The following RAD51 variants were observed in gnomAD, a reference collection of about 807,000 sequenced individuals.
RAD51 encodes the protein DNA repair protein RAD51 homolog 1.
Under a neutral mutation model 41.5 loss-of-function variants are expected in RAD51, and 14 were observed. The ratio of observed to expected loss-of-function variants is 0.34; its 90% CI spans 0.22 to 0.53. RAD51 has a LOEUF of 0.53. Among genes scored for constraint, RAD51 ranks in the 20% least tolerant of loss-of-function variants. The pLI, the probability that RAD51 is intolerant of heterozygous loss-of-function variation, is 0.95. For missense variants in RAD51, 234 were observed against 422.0 expected (o/e 0.55, Z 3.90); for synonymous variants, 136 against 148.6 (o/e 0.92, Z 0.62).
At chr15:40,705,768 C>A (rs918087927) in intron 3 of RAD51, among the ~76,000 whole-genome samples, 3 of 152,120 alleles carry the variant, frequency 2.0e-5, no homozygotes, top group African/African-American at 7.2e-5. Context: ...CCACGCCCGA[C>A]TAATTTTTTG....
chr15:40,729,808 G>C (rs906097713), intron 8 of RAD51, 45 bp from the exon 9 acceptor site: 2 of 1,613,944 alleles, frequency 1.2e-6, no homozygotes, highest in Admixed American at 1.7e-5. Context: ...AAGGCTTTTG[G>C]AGTGTCTATG....
Position 40,715,079 on chromosome 15 carries a change from C to T in RAD51, c.436-3726C>T, listed in dbSNP as rs545327872. On this transcript the variant is annotated intron_variant, in intron 5 of 9. Transcript: ENST00000267868. Reference sequence around the variant, plus strand: ...CCAGTTTTAAAAGCACATGCCCATGCGGGCATGGTGGCTCACGCCTGTAAT... The same window carrying T: ...CCAGTTTTAAAAGCACATGCCCATGTGGGCATGGTGGCTCACGCCTGTAAT... 3.0e-4 allele frequency among the ~76,000 whole-genome samples: 45 copies of T among 152,308 alleles called. 1 individual carries two copies. The highest frequency in any genetic ancestry group is 4.3e-4 in the African/African-American group (18 of 41,572).
At chr15:40,715,950 G>A (rs914176634) in intron 5 of RAD51, among the ~76,000 whole-genome samples, 4 of 152,182 alleles carry the variant, frequency 2.6e-5, no homozygotes, top group Non-Finnish European at 4.4e-5. Flanking sequence ...CTGGTTCCAA[G>A]TCTTTCTTTA....
chr15:40,716,953 C>T (rs1249161623), intron 5 of RAD51, among the ~76,000 whole-genome samples: 5 of 151,978 alleles, frequency 3.3e-5, no homozygotes, highest in African/African-American at 4.8e-5. Flanking sequence ...TTAGCCACTG[C>T]GCCTGGCCTC....
chr15:40,701,332 C>T (rs923052463), intron 3 of RAD51, 131 bp downstream of exon 3: 6 of 997,166 alleles, frequency 6.0e-6, no homozygotes, highest in Non-Finnish European at 9.0e-6. Context: ...TGACTGTTAC[C>T]TGTTTCTTTT....
intron 6 of RAD51, among the ~76,000 whole-genome samples, chr15:40,725,497 A>G (rs527710403): frequency 1.3e-5 from 2 of 152,280 alleles, no homozygotes; most frequent in East Asian, 3.9e-4. Flanking sequence ...GCCCTTACTG[A>G]TTAATTTTTG....
chr15:40,696,178 C>T (rs986260219), intron 1 of RAD51, among the ~76,000 whole-genome samples: 3 of 151,354 alleles, frequency 2.0e-5, no homozygotes, highest in East Asian at 3.9e-4. Context: ...GCGCCTGGCC[C>T]CTGTTTTTTT....
intron 5 of RAD51, among the ~76,000 whole-genome samples, chr15:40,712,326 T>C (rs993664224): frequency 6.6e-6 from 1 of 152,132 alleles, no homozygotes; most frequent in Non-Finnish European, 1.5e-5. Context: ...GTTGGAAACA[T>C]GAGTACAGGT....
chr15:40,706,265 G>C lies in RAD51; in HGVS notation c.314G>C (p.Gly105Ala). The C allele has an allele frequency of 4.3e-6, 7 of 1,613,322 alleles. No homozygotes were observed. Among genetic ancestry groups the C allele is most frequent in the Non-Finnish European group, 5.9e-6 (7 of 1,179,272 alleles). The change falls in exon 4 of 10, where the codon GGC (glycine) becomes GCC (alanine). Residue 105 changes from glycine to alanine, a missense_variant. Gly to Ala is a moderately conservative substitution (Grantham distance 60). This residue lies in a region of RAD51 where 100 missense variants were observed against 135.5 expected (regional missense o/e 0.74). Coordinates refer to ENST00000267868, the MANE Select transcript of RAD51 (RefSeq NM_002875.5). ...RRSEIIQITTGSKELDKLLQG... is the reference protein window; with the variant it reads ...RRSEIIQITTASKELDKLLQG... Reference sequence around the variant, plus strand: ...TCAGAGATCATACAGATTACTACTGGCTCCAAAGAGCTTGACAAACTACTT... The same window carrying C: ...TCAGAGATCATACAGATTACTACTGCCTCCAAAGAGCTTGACAAACTACTT...
intron 1 of RAD51, among the ~76,000 whole-genome samples, chr15:40,697,329 C>T (rs1385690975): frequency 6.6e-6 from 1 of 152,082 alleles, no homozygotes; most frequent in Non-Finnish European, 1.5e-5. Context: ...GTCTTGAACT[C>T]CTGAACTTAG....
At chr15:40,702,632 C>T (rs575674303) in intron 3 of RAD51, among the ~76,000 whole-genome samples, 203 of 152,194 alleles carry the variant, frequency 1.3e-3, no homozygotes, top group African/African-American at 4.7e-3. Flanking sequence ...ATTGTCGTGC[C>T]TCAGCCTCCC....
intron 6 of RAD51, among the ~76,000 whole-genome samples, chr15:40,728,106 T>C (rs1053845956): frequency 6.6e-6 from 1 of 152,070 alleles, no homozygotes; most frequent in African/African-American, 2.4e-5. Flanking sequence ...GTGATCCACC[T>C]GCCTCGGCAT....
intron 5 of RAD51, among the ~76,000 whole-genome samples, chr15:40,716,094 A>C (rs375535728): frequency 6.6e-5 from 10 of 152,342 alleles, no homozygotes; most frequent in Admixed American, 5.9e-4. Context: ...AACTGTATAC[A>C]CTAAAGTCAG....
intron 3 of RAD51, chr15:40,701,966 T>G (rs1344166851): frequency 3.4e-6 from 1 of 290,450 alleles, no homozygotes; most frequent in Admixed American, 4.6e-5. Flanking sequence ...GTATTTTTAT[T>G]AGAGACAGGG....
chr15:40,723,627 T>G (rs1163559057), intron 6 of RAD51, among the ~76,000 whole-genome samples: 1 of 152,150 alleles, frequency 6.6e-6, no homozygotes, highest in Non-Finnish European at 1.5e-5. Context: ...GGGGATAATC[T>G]AAGGGATAGA....
intron 9 of RAD51, among the ~76,000 whole-genome samples, chr15:40,730,317 A>G (rs1050957670): frequency 1.3e-5 from 2 of 151,982 alleles, no homozygotes; most frequent in African/African-American, 2.4e-5. Context: ...CGACACTAGT[A>G]AGGGCAACAA....
intron 1 of RAD51, 45 bp from the exon 2 acceptor site, chr15:40,698,712 C>T: frequency 1.3e-6 from 2 of 1,547,104 alleles, no homozygotes; most frequent in Non-Finnish European, 1.8e-6. Flanking sequence ...AGAGATGCAC[C>T]TTATTTCTCT....
At chr15:40,694,876 G>C (rs954306037), upstream of RAD51, 9 of 152,220 alleles carry the variant, frequency 5.9e-5, no homozygotes, top group Non-Finnish European at 1.2e-4. Flanking sequence ...CGAGGGACTG[G>C]GGTAGGAGTA....
intron 4 of RAD51, among the ~76,000 whole-genome samples, chr15:40,706,756 G>GGT (rs1200473045): frequency 6.6e-6 from 1 of 152,236 alleles, no homozygotes; most frequent in African/African-American, 2.4e-5. Flanking sequence ...ACTGCTGCAA[G>GGT]GTAGGACCTT....
Sources: allele counts gnomAD v4.1 joint callset (sites outside exome capture counted in the v4.1 genomes callset), GRCh38; gene constraint gnomAD v4.1.1; regional missense constraint gnomAD v4.1.1; transcripts MANE v1.5; gene names NCBI Gene and HGNC (gene_info 2026-07-23, HGNC 2026-07-21).